Variants in NPSR1 observed in about 807,000 individuals in gnomAD.
NPSR1 encodes the protein neuropeptide S receptor.
A neutral mutation model predicts 46.9 loss-of-function variants in NPSR1; 48 were observed. The observed-to-expected ratio is 1.02, with a 90% CI of 0.81 to 1.30. NPSR1 has a LOEUF of 1.30. NPSR1 is among the 50% of genes most tolerant of loss of function. The pLI is 0.00. For missense variants in NPSR1, 450 were observed against 449.5 expected, an observed-to-expected ratio of 1.00 and a Z score of -0.01; for synonymous variants, 176 against 168.1, an observed-to-expected ratio of 1.05 and a Z score of -0.36.
chr7:34,721,232 C>T (rs1198363760), intron 2 of NPSR1, among the ~76,000 whole-genome samples: 1 of 151,996 alleles, frequency 6.6e-6, no homozygotes, highest in Non-Finnish European at 1.5e-5. Flanking sequence ...CCTGGAAAGA[C>T]AAATTTGAGA....
rs1203276819 is a variant in NPSR1 at position 34,872,881 on chromosome 7, A to G, written c.1026-5195A>G. Reference sequence around the variant, plus strand: ...GCCTAACCATATCAGCTAGCATGAAAATTTTCCAAATTTTTATGCTGTGCT... The same window carrying G: ...GCCTAACCATATCAGCTAGCATGAAGATTTTCCAAATTTTTATGCTGTGCT... On this transcript the variant is annotated intron_variant, in intron 8 of 8. Coordinates refer to the NPSR1 transcript ENST00000359791. Among the ~76,000 whole-genome samples, 5 of 151,810 alleles carry G rather than the reference A, an allele frequency of 3.3e-5. 1 individual carries two copies. The highest frequency in any genetic ancestry group is 2.0e-4 in the Admixed American group (3 of 15,274).
intron 2 of NPSR1, among the ~76,000 whole-genome samples, chr7:34,701,813 G>GT (rs544288750): frequency 1.4e-4 from 21 of 152,280 alleles, no homozygotes; most frequent in Admixed American, 4.6e-4. Context: ...ATTAAATGAT[G>GT]TTTTTTCACC....
chr7:34,771,251 A>G (rs947369258), intron 2 of NPSR1, among the ~76,000 whole-genome samples: 1 of 152,194 alleles, frequency 6.6e-6, no homozygotes, highest in African/African-American at 2.4e-5. Context: ...CCTGGGCAAC[A>G]TAGTGAGATC....
At chr7:34,752,228 C>T (rs773362884) in intron 2 of NPSR1, among the ~76,000 whole-genome samples, 75 of 152,286 alleles carry the variant, frequency 4.9e-4, no homozygotes, top group Non-Finnish European at 9.7e-4. Flanking sequence ...TAACCAAGGT[C>T]TGAGTCCTAA....
At chr7:34,780,013 T>C (rs1280107386) in intron 3 of NPSR1, among the ~76,000 whole-genome samples, 1 of 152,168 alleles carries the variant, frequency 6.6e-6, no homozygotes, top group Non-Finnish European at 1.5e-5. Flanking sequence ...TTTAGTGGAA[T>C]ACTCAGTTCT....
chr7:34,855,606 C>T (rs1791032256), intron 8 of NPSR1, among the ~76,000 whole-genome samples: 1 of 151,862 alleles, frequency 6.6e-6, no homozygotes, highest in African/African-American at 2.4e-5. Context: ...AATTTAAGGA[C>T]AAAGCAACAC....
At chr7:34,758,795 A>T (rs2128728027) in intron 2 of NPSR1, among the ~76,000 whole-genome samples, 1 of 152,338 alleles carries the variant, frequency 6.6e-6, no homozygotes, top group South Asian at 2.1e-4. Flanking sequence ...ACCTGCTTTA[A>T]ATGTCACCAA....
At chr7:34,748,304 C>A (rs555450980) in intron 2 of NPSR1, among the ~76,000 whole-genome samples, 3 of 152,230 alleles carry the variant, frequency 2.0e-5, no homozygotes, top group Non-Finnish European at 2.9e-5. Context: ...TGCTATTCTT[C>A]ATGCCAGCGT....
At chr7:34,669,555 C>A (rs12701378) in intron 1 of NPSR1, among the ~76,000 whole-genome samples, 19,829 of 148,008 alleles carry the variant, frequency 0.13, 1,472 homozygotes, top group African/African-American at 0.2. Context: ...GGCGACAGAG[C>A]GAGACTCTGT....
At chr7:34,692,919 A>T (rs1418699268) in intron 2 of NPSR1, among the ~76,000 whole-genome samples, 2 of 152,208 alleles carry the variant, frequency 1.3e-5, no homozygotes, top group Non-Finnish European at 2.9e-5. Flanking sequence ...GCATGTTGAA[A>T]TACAATCCCC....
chr7:34,809,460 ATTTTTTTTT>A (rs1157591101), intron 3 of NPSR1, among the ~76,000 whole-genome samples: 1 of 110,820 alleles, frequency 9.0e-6, no homozygotes, highest in Non-Finnish European at 1.8e-5. Context: ...TCACCCAGGT[ATTTTTTTTT>A]TTTTTTTTTT....
At chr7:34,790,733 A>ATGTTATATATAATATATGTTATATGTTC (rs1787718025) in intron 3 of NPSR1, among the ~76,000 whole-genome samples, 1 of 112,428 alleles carries the variant, frequency 8.9e-6, no homozygotes, top group South Asian at 2.5e-4. Context: ...GTTATATGTT[A>ATGTTATATATAATATATGTTATATGTTC]TATGTTATAT....
intron 2 of NPSR1, among the ~76,000 whole-genome samples, chr7:34,694,722 T>C (rs1793429109): frequency 6.6e-6 from 1 of 152,192 alleles, no homozygotes; most frequent in Admixed American, 6.5e-5. Context: ...AATTCTTTTC[T>C]TTTTTTGAAA....
intron 3 of NPSR1, among the ~76,000 whole-genome samples, chr7:34,802,879 AAAC>A (rs1408149295): frequency 6.6e-6 from 1 of 150,470 alleles, no homozygotes; most frequent in Non-Finnish European, 1.5e-5. Flanking sequence ...AGAAAAAAAC[AAAC>A]AACCCCATCA....
At chr7:34,696,103 G>A (rs572487751) in intron 2 of NPSR1, among the ~76,000 whole-genome samples, 153 of 148,688 alleles carry the variant, frequency 1.0e-3, no homozygotes, top group African/African-American at 3.6e-3. Flanking sequence ...AAAAAACTGC[G>A]GTATATATAC....
chr7:34,849,624 T>C lies in NPSR1; in HGVS notation c.1085T>C (p.Met362Thr), dbSNP rs570630942. The C allele has an allele frequency of 6.2e-7, 1 of 1,614,150 alleles. No individual in the cohort carries two copies. Among genetic ancestry groups the C allele is most frequent in the Admixed American group, 1.7e-5 (1 of 60,026 alleles). ...TFRERTERHE[M>T]QILSKPEFI The stretch of plus-strand genomic sequence containing the variant: ...CGGGAGAGAACTGAGAGGCATGAGA[T>C]GCAGATTCTGTCCAAGCCAGAATTC... The change falls in exon 9 of 9, where the codon ATG (methionine) becomes ACG (threonine). Residue 362 changes from methionine (M) to threonine (T), a missense_variant. By Grantham distance (81) the Met-to-Thr change is moderately conservative. Coordinates refer to ENST00000360581, the MANE Select transcript of NPSR1 (RefSeq NM_207172.2).
chr7:34,694,759 G>T (rs1793431692), intron 2 of NPSR1, among the ~76,000 whole-genome samples: 1 of 152,118 alleles, frequency 6.6e-6, no homozygotes, highest in Admixed American at 6.5e-5. Flanking sequence ...CACCAGGCTG[G>T]AGTGCATTGG....
intron 8 of NPSR1, among the ~76,000 whole-genome samples, chr7:34,867,255 A>G (rs1357676100): frequency 5.9e-5 from 9 of 151,868 alleles, no homozygotes; most frequent in Non-Finnish European, 1.2e-4. Flanking sequence ...AGGGATGGTG[A>G]GAAGGCTTAT....
chr7:34,717,955 C>A (rs1301778671), intron 2 of NPSR1, among the ~76,000 whole-genome samples: 1 of 152,150 alleles, frequency 6.6e-6, no homozygotes, highest in African/African-American at 2.4e-5. Context: ...CTTCTGGGTG[C>A]ATAAGCACAG....
Sources: allele counts gnomAD v4.1 joint callset (sites outside exome capture counted in the v4.1 genomes callset), GRCh38; gene constraint gnomAD v4.1.1; transcripts MANE v1.5; gene names NCBI Gene and HGNC (gene_info 2026-07-23, HGNC 2026-07-21).